The following ZNF804A variants were observed in gnomAD, a reference collection of about 807,000 sequenced individuals.
ZNF804A encodes the protein zinc finger protein 804A.
A neutral mutation model predicts 16.5 loss-of-function variants in ZNF804A; 2 were observed. The ratio of observed to expected loss-of-function variants is 0.12; its 90% confidence interval spans 0.05 to 0.38. The LOEUF (loss-of-function observed/expected upper bound fraction) is 0.38. Among genes scored for constraint, ZNF804A ranks in the 10% least tolerant of loss-of-function variants. The pLI is 0.99. For synonymous variants in ZNF804A, 534 were observed against 489.6 expected (o/e 1.09, Z -1.20); for missense variants, 1,473 against 1,390.7 (o/e 1.06, Z -0.94).
chr2:184,904,618 C>T (rs1160513957), intron 2 of ZNF804A, among the ~76,000 whole-genome samples: 2 of 152,110 alleles, frequency 1.3e-5, no homozygotes, highest in Non-Finnish European at 1.5e-5. Flanking sequence ...TCTTCTAATA[C>T]TGTATAACTA....
At chr2:184,747,320 G>GC (rs1693803966) in intron 1 of ZNF804A, among the ~76,000 whole-genome samples, 1 of 40,452 alleles carries the variant, frequency 2.5e-5, no homozygotes, top group Non-Finnish European at 4.6e-5. Context: ...AAATCTTGCT[G>GC]CAAAAAAAAA....
chr2:184,804,649 A>G (rs1299140177), intron 1 of ZNF804A, among the ~76,000 whole-genome samples: 1 of 152,228 alleles, frequency 6.6e-6, no homozygotes, highest in Non-Finnish European at 1.5e-5. Flanking sequence ...TTGGAAACCA[A>G]AAGACAAGTG....
At chr2:184,657,683 GA>G (rs1692103422) in intron 1 of ZNF804A, among the ~76,000 whole-genome samples, 1 of 152,138 alleles carries the variant, frequency 6.6e-6, no homozygotes, top group South Asian at 2.1e-4. Flanking sequence ...CTGGGTTTAG[GA>G]AAATTCTTAA....
intron 1 of ZNF804A, among the ~76,000 whole-genome samples, chr2:184,619,817 CAAAGAAGAAT>C (rs1691388806): frequency 6.6e-6 from 1 of 151,536 alleles, no homozygotes; most frequent in Non-Finnish European, 1.5e-5. Context: ...ACATATTTTA[CAAAGAAGAAT>C]AAATACAGCA....
chr2:184,937,672 A>G lies in ZNF804A; in HGVS notation c.2276A>G (p.Asn759Ser), dbSNP rs942686113. 1.2e-5 allele frequency: 19 copies of G among 1,613,986 alleles called. No homozygotes were observed. Among genetic ancestry groups the G allele is most frequent in the Non-Finnish European group, 1.6e-5 (19 of 1,180,000 alleles). Reference sequence around the variant, plus strand: ...AATCAGGCTGTTAAAAGAGGTTACAATTCTGTCATGAATGAATCAGAAAGA... The same window carrying G: ...AATCAGGCTGTTAAAAGAGGTTACAGTTCTGTCATGAATGAATCAGAAAGA... ...SQNQAVKRGYNSVMNESERFY... is the reference protein window; with the variant it reads ...SQNQAVKRGYSSVMNESERFY... Residue 759 changes from asparagine (N) to serine (S), a missense_variant, in exon 4 of 4, where the codon AAT (asparagine) becomes AGT (serine). Transcript: ENST00000302277.
intron 1 of ZNF804A, among the ~76,000 whole-genome samples, chr2:184,780,934 AAAAGGACAC>A (rs773004495): frequency 6.6e-6 from 1 of 151,712 alleles, no homozygotes; most frequent in Non-Finnish European, 1.5e-5. Flanking sequence ...TAGTCTTCTG[AAAAGGACAC>A]AAGTAACCTG....
intron 2 of ZNF804A, chr2:184,902,556 T>C (rs12693401): frequency 0.15 from 22,099 of 152,158 alleles, 1,752 homozygotes; most frequent in Middle Eastern, 0.23. Flanking sequence ...GCCTCTTTCA[T>C]GACCTTCCCC....
At chr2:184,728,776 T>A (rs79107382) in intron 1 of ZNF804A, among the ~76,000 whole-genome samples, 1 of 151,852 alleles carries the variant, frequency 6.6e-6, no homozygotes, top group Non-Finnish European at 1.5e-5. Context: ...ATAATAACAG[T>A]GTGTTAGTCT....
At chr2:184,613,153 C>G (rs1691264981) in intron 1 of ZNF804A, among the ~76,000 whole-genome samples, 1 of 152,214 alleles carries the variant, frequency 6.6e-6, no homozygotes, top group Admixed American at 6.5e-5. Context: ...GTATGAGACA[C>G]TCTCCTCTTT....
intron 1 of ZNF804A, among the ~76,000 whole-genome samples, chr2:184,770,486 G>A (rs1428631759): frequency 6.6e-6 from 1 of 151,396 alleles, no homozygotes; most frequent in Non-Finnish European, 1.5e-5. Context: ...AGGGCATGGG[G>A]AGAAGGGACT....
At chr2:184,744,123 A>G (rs1252784031) in intron 1 of ZNF804A, among the ~76,000 whole-genome samples, 1 of 151,908 alleles carries the variant, frequency 6.6e-6, no homozygotes, top group East Asian at 1.9e-4. Flanking sequence ...CAGCTCTACC[A>G]TCTCCTAGCC....
At chr2:184,640,875 T>G (rs1691785719) in intron 1 of ZNF804A, among the ~76,000 whole-genome samples, 1 of 152,220 alleles carries the variant, frequency 6.6e-6, no homozygotes, top group Non-Finnish European at 1.5e-5. Flanking sequence ...TACTTTAAGA[T>G]GAAAAGACTG....
intron 1 of ZNF804A, among the ~76,000 whole-genome samples, chr2:184,727,991 G>T (rs1366211646): frequency 6.6e-6 from 1 of 151,618 alleles, no homozygotes; most frequent in East Asian, 1.9e-4. Flanking sequence ...AGCATTGGGT[G>T]GTTATTAACT....
intron 2 of ZNF804A, among the ~76,000 whole-genome samples, chr2:184,901,096 A>G (rs912291583): frequency 7.2e-5 from 11 of 152,170 alleles, no homozygotes; most frequent in African/African-American, 2.2e-4. Context: ...GCCAGGAAGT[A>G]TCCATACATC....
rs754902124 is a variant in ZNF804A at position 184,824,278 on chromosome 2, AT to A, written c.112-42085del. 2.8e-4 allele frequency among the ~76,000 whole-genome samples: 42 copies of A among 152,278 alleles called. No individual in the cohort carries two copies. In the East Asian group the frequency reaches 7.1e-3, roughly 26 times the overall value. On this transcript the variant is annotated intron_variant, in intron 1 of 3. Transcript: ENST00000302277. ...TCTGAAAGCCTCCATGACAATATATATTTTTTAAATATTTCAATTAAATTCA... is the reference window on the plus strand; with the variant it reads ...TCTGAAAGCCTCCATGACAATATATATTTTTAAATATTTCAATTAAATTCA...
chr2:184,622,194 C>G (rs1218636336), intron 1 of ZNF804A, among the ~76,000 whole-genome samples: 1 of 151,744 alleles, frequency 6.6e-6, no homozygotes, highest in Admixed American at 6.6e-5. Flanking sequence ...ACAATGATAA[C>G]TGTAGATCAG....
At chr2:184,708,788 G>T (rs1395330485) in intron 1 of ZNF804A, among the ~76,000 whole-genome samples, 1 of 151,896 alleles carries the variant, frequency 6.6e-6, no homozygotes, top group Non-Finnish European at 1.5e-5. Context: ...AAAATGCCTC[G>T]TGAAACTTTA....
chr2:184,938,709 CA>C lies in ZNF804A; in HGVS notation c.3314del (p.Gln1105ArgfsTer44), dbSNP rs1298677554. The C allele has an allele frequency of 2.5e-6, 4 of 1,613,372 alleles. No individual in the cohort carries two copies. Among genetic ancestry groups the C allele is most frequent in the Non-Finnish European group, 3.4e-6 (4 of 1,179,694 alleles). ...CACTATCCATCACACTGTTTTGCAG[CA>C]GCACGCTGCAGCTGCTGCAGCTGCA... ...VTTIHHTVLQ[Q>X]HAAAAAAAAA... On this transcript the variant is annotated frameshift_variant, in exon 4 of 4. Coordinates refer to ENST00000302277, the MANE Select transcript of ZNF804A (RefSeq NM_194250.2). LOFTEE classifies it low-confidence loss of function (END_TRUNC).
intron 1 of ZNF804A, among the ~76,000 whole-genome samples, chr2:184,642,842 C>T (rs1032562107): frequency 6.6e-6 from 1 of 152,114 alleles, no homozygotes. Flanking sequence ...AAGCTAGATT[C>T]TTTGCATGTT....
Sources: gnomAD v4.1 joint callset for allele counts (sites outside exome capture counted in the v4.1 genomes callset) on GRCh38, gnomAD v4.1.1 for gene constraint, MANE v1.5 for transcripts, NCBI Gene and HGNC (gene_info 2026-07-23, HGNC 2026-07-21) for gene names.